UBAP2L: variants seen among roughly 807,000 people sequenced by gnomAD.
UBAP2L encodes the protein ubiquitin associated protein 2 like.
UBAP2L carries 12 observed loss-of-function variants against 130.6 expected under a neutral mutation model. The ratio of observed to expected loss-of-function variants is 0.09; its 90% CI spans 0.06 to 0.15. The LOEUF (loss-of-function observed/expected upper bound fraction) is 0.15. Among genes scored for constraint, UBAP2L ranks in the 10% least tolerant of loss-of-function variants. UBAP2L has a pLI of 1.00. For synonymous variants in UBAP2L, 503 were observed against 524.7 expected, an observed-to-expected ratio of 0.96 and a Z score of 0.57; for missense variants, 965 against 1,332.5, an observed-to-expected ratio of 0.72 and a Z score of 4.29.
intron 1 of UBAP2L, chr1:154,221,261 G>A (rs1390728160): frequency 6.5e-6 from 1 of 152,802 alleles, no homozygotes; most frequent in Non-Finnish European, 1.5e-5. Flanking sequence ...GGCCGCGCCA[G>A]AGCCGGGGCC....
chr1:154,257,644 A>G (rs1044999679), intron 20 of UBAP2L: 2 of 583,704 alleles, frequency 3.4e-6, no homozygotes, highest in African/African-American at 1.9e-5. Context: ...AAAAATTCAT[A>G]TATAAACAGC....
chr1:154,233,718 A>G (rs764692351), intron 4 of UBAP2L, among the ~76,000 whole-genome samples: 1 of 150,900 alleles, frequency 6.6e-6, no homozygotes, highest in Non-Finnish European at 1.5e-5. Context: ...TCCTAAATTT[A>G]TGGGTGAGAT....
chr1:154,227,385 C>A (rs748658528), intron 3 of UBAP2L, 26 bp downstream of exon 3: 16 of 1,586,872 alleles, frequency 1.0e-5, no homozygotes, highest in Non-Finnish European at 1.2e-5. Flanking sequence ...ATTTACTGTA[C>A]ACTATGAGAA....
At chr1:154,240,917 T>C (rs1056711229) in intron 8 of UBAP2L, among the ~76,000 whole-genome samples, 1 of 150,932 alleles carries the variant, frequency 6.6e-6, no homozygotes, top group African/African-American at 2.5e-5. Flanking sequence ...CTTTGAGCAT[T>C]GGGTGGTTGT....
Position 154,236,503 on chromosome 1 carries a change from A to C in UBAP2L, c.545-63A>C. On this transcript the variant is annotated intron_variant, in intron 6 of 26. Coordinates refer to ENST00000428931, the MANE Select transcript of UBAP2L (RefSeq NM_014847.4). Reference sequence around the variant, plus strand: ...CCGGGAGCCACTGTGCCTGCCTGGCAAGGAAGTTTTATATCAACTTCTAAA... The same window carrying C: ...CCGGGAGCCACTGTGCCTGCCTGGCCAGGAAGTTTTATATCAACTTCTAAA... The C allele has an allele frequency of 3.2e-6, 5 of 1,581,688 alleles. No individual in the cohort carries two copies. The South Asian group carries it at 4.4e-5, about 14-fold the overall frequency.
intron 1 of UBAP2L, among the ~76,000 whole-genome samples, chr1:154,224,624 G>A (rs1186157058): frequency 1.3e-5 from 2 of 152,178 alleles, no homozygotes; most frequent in African/African-American, 2.4e-5. Flanking sequence ...AGGTTGTAAG[G>A]CAGGTAAGGC....
intron 8 of UBAP2L, among the ~76,000 whole-genome samples, chr1:154,237,936 G>A (rs1672217844): frequency 6.6e-6 from 1 of 152,206 alleles, no homozygotes; most frequent in Non-Finnish European, 1.5e-5. Flanking sequence ...AAACTCTGGA[G>A]TGCTTTCTTG....
chr1:154,235,572 C>T (rs570191423), intron 6 of UBAP2L, among the ~76,000 whole-genome samples: 52 of 152,080 alleles, frequency 3.4e-4, no homozygotes, highest in African/African-American at 1.1e-3. Flanking sequence ...TGCAGTGGCG[C>T]GATCTTGGCT....
At position 154,227,320 on chromosome 1, in the gene UBAP2L, G is replaced by A. The variant is rs573470269; in HGVS notation, c.129G>A (p.Ser43=). Residue 43 remains serine (S), a synonymous_variant, in exon 3 of 27, where the codon TCG becomes TCA. Coordinates refer to ENST00000428931, the MANE Select transcript of UBAP2L (RefSeq NM_014847.4). ...AEQIRLAQMI[S]DHNDADFEEK... ...AAATTAGACTTGCACAGATGATTTC[G>A]GACCATAATGATGCTGACTTTGAGG... is the stretch of plus-strand genomic sequence containing the variant. 43 of 1,613,466 alleles carry A rather than the reference G, an allele frequency of 2.7e-5. No individual in the cohort carries two copies. In the South Asian group the frequency reaches 3.0e-4, roughly 11 times the overall value.
chr1:154,271,356 T>G (rs556107269), downstream of UBAP2L: 1 of 186,964 alleles, frequency 5.3e-6, no homozygotes, highest in African/African-American at 2.4e-5. Context: ...AGACTACATA[T>G]TGGGTACAGT....
chr1:154,232,408 G>A (rs1670158454), intron 4 of UBAP2L, among the ~76,000 whole-genome samples: 1 of 151,744 alleles, frequency 6.6e-6, no homozygotes, highest in Non-Finnish European at 1.5e-5. Flanking sequence ...AAAAATATGT[G>A]TAAATCAAGG....
intron 3 of UBAP2L, 43 bp from the exon 4 acceptor site, chr1:154,228,572 A>G: frequency 7.0e-7 from 1 of 1,432,720 alleles, no homozygotes; most frequent in Non-Finnish European, 9.8e-7. Context: ...TGGGAGTGTG[A>G]GCATAAGCCT....
At chr1:154,258,255 C>A (rs1254455294) in intron 20 of UBAP2L, among the ~76,000 whole-genome samples, 1 of 152,162 alleles carries the variant, frequency 6.6e-6, no homozygotes, top group East Asian at 1.9e-4. Context: ...ATATATAGGC[C>A]TGAGCCACTA....
chr1:154,255,437 G>GT, intron 17 of UBAP2L, 111 bp downstream of exon 17: 3 of 1,391,150 alleles, frequency 2.2e-6, no homozygotes, highest in Non-Finnish European at 2.9e-6. Context: ...TGCTTTTGTC[G>GT]TAAGTGGGTG....
intron 25 of UBAP2L, among the ~76,000 whole-genome samples, chr1:154,267,792 G>A (rs1467462936): frequency 6.6e-6 from 1 of 150,692 alleles, no homozygotes; most frequent in Non-Finnish European, 1.5e-5. Context: ...ATCATGCCCA[G>A]CCTGGAGTTC....
upstream of UBAP2L, chr1:154,220,409 G>A (rs1339804908): frequency 6.2e-7 from 1 of 1,614,094 alleles, no homozygotes; most frequent in African/African-American, 1.3e-5. Context: ...GGACGCCATG[G>A]CCTCCCTACC....
chr1:154,227,085 AGT>A (rs1432866252), intron 2 of UBAP2L, among the ~76,000 whole-genome samples, 195 bp from the exon 3 acceptor site: 2 of 152,224 alleles, frequency 1.3e-5, no homozygotes, highest in African/African-American at 4.8e-5. Context: ...GGGCTCCCAA[AGT>A]GTGGAATTAC....
chr1:154,266,387 C>T, intron 24 of UBAP2L, 114 bp from the exon 25 acceptor site: 1 of 1,171,220 alleles, frequency 8.5e-7, no homozygotes, highest in Non-Finnish European at 1.3e-6. Context: ...GAAAACCGAC[C>T]AAAATTCCCT....
downstream of UBAP2L, chr1:154,271,114 C>A: frequency 1.5e-6 from 1 of 657,862 alleles, no homozygotes; most frequent in Non-Finnish European, 2.5e-6. Flanking sequence ...TTCATTTCCT[C>A]CAGAAACTGC....
Sources: allele counts gnomAD v4.1 joint callset (sites outside exome capture counted in the v4.1 genomes callset), GRCh38; gene constraint gnomAD v4.1.1; transcripts MANE v1.5; gene names NCBI Gene and HGNC (gene_info 2026-07-23, HGNC 2026-07-21).